The following TOX variants were observed in gnomAD, a reference collection of about 807,000 sequenced individuals.
TOX encodes thymocyte selection associated high mobility group box.
TOX carries 11 observed loss-of-function variants against 53.7 expected under a neutral mutation model. That is an observed-to-expected ratio of 0.20 (90% CI 0.13 to 0.34). The LOEUF (loss-of-function observed/expected upper bound fraction) is 0.34, where lower values mean the gene tolerates loss of function less well. Ranked by LOEUF, TOX falls within the 10% of genes least tolerant of loss-of-function variation. TOX has a pLI of 1.00. For missense variants in TOX, 570 were observed against 664.6 expected (o/e 0.86, Z 1.56); for synonymous variants, 225 against 245.3 (o/e 0.92, Z 0.77).
intron 1 of TOX, among the ~76,000 whole-genome samples, chr8:58,980,990 C>T (rs897151353): frequency 6.6e-6 from 1 of 152,114 alleles, no homozygotes; most frequent in African/African-American, 2.4e-5. Flanking sequence ...TCTAGGTCAC[C>T]TCCAACTTTA....
chr8:59,081,902 CA>C (rs1428296373), intron 1 of TOX, among the ~76,000 whole-genome samples: 1 of 152,122 alleles, frequency 6.6e-6, no homozygotes, highest in Non-Finnish European at 1.5e-5. Context: ...ATACCATTAC[CA>C]AAATTGTGAA....
intron 1 of TOX, among the ~76,000 whole-genome samples, chr8:59,083,075 C>T (rs1804438866): frequency 6.6e-6 from 1 of 152,082 alleles, no homozygotes; most frequent in African/African-American, 2.4e-5. Flanking sequence ...TACAGGCTCT[C>T]CTTTGTACCA....
Position 58,851,787 on chromosome 8 carries a change from G to C in TOX, c.430C>G (p.Pro144Ala), listed in dbSNP as rs149944378. 13 of 1,574,558 alleles carry C rather than the reference G, an allele frequency of 8.3e-6. No homozygotes were observed. The highest frequency in any genetic ancestry group is 2.2e-4 in the Middle Eastern group (1 of 4,504). Residue 144 changes from proline (P) to alanine (A), a missense_variant, in exon 4 of 9, where the codon CCA becomes GCA. Transcript: ENST00000361421. This position sits in a 1 kb window ranked among gnomAD's most constrained non-coding sequence, Gnocchi z 4.4. ...TGGGAACTGTACTGAGTTCCTTCTG[G>C]GTTTCGTATATCTGGCATCTACAAT... is the stretch of plus-strand genomic sequence containing the variant. ...SISVMPDIRNPEGTQYSSHPQ... is the reference protein window; with the variant it reads ...SISVMPDIRNAEGTQYSSHPQ...
chr8:58,949,699 T>G (rs1248570514), intron 2 of TOX, among the ~76,000 whole-genome samples: 1 of 152,102 alleles, frequency 6.6e-6, no homozygotes, highest in Non-Finnish European at 1.5e-5. Flanking sequence ...TAAGTTTTAA[T>G]AAATTTTTAT....
At chr8:58,834,884 A>G (rs1810521511) in intron 5 of TOX, among the ~76,000 whole-genome samples, 1 of 152,188 alleles carries the variant, frequency 6.6e-6, no homozygotes, top group Non-Finnish European at 1.5e-5. Flanking sequence ...TTAGGTTCAC[A>G]TGATAGGTTA....
intron 3 of TOX, among the ~76,000 whole-genome samples, chr8:58,861,757 C>G (rs1811014102): frequency 6.6e-6 from 1 of 152,148 alleles, no homozygotes; most frequent in Non-Finnish European, 1.5e-5. Flanking sequence ...TTCTTCACAC[C>G]ATATTTAAAC....
chr8:59,064,874 A>C (rs394226), intron 1 of TOX, among the ~76,000 whole-genome samples: 15,824 of 152,244 alleles, frequency 0.1, 1,716 homozygotes, highest in East Asian at 0.51. Context: ...TTTAAAAATG[A>C]AAGAACCATT....
At position 58,980,670 on chromosome 8, in the gene TOX, A is replaced by T. The variant is rs563273939; in HGVS notation, c.103-20662T>A. Reference sequence around the variant, plus strand: ...GAAGGGGAAAGAAAAAAACCAAGGCAATGTGGTCCCTGCCCTCTAAGGTCT... The same window carrying T: ...GAAGGGGAAAGAAAAAAACCAAGGCTATGTGGTCCCTGCCCTCTAAGGTCT... On this transcript the variant is annotated intron_variant, in intron 1 of 8. Transcript: ENST00000361421. 2.0e-5 allele frequency among the ~76,000 whole-genome samples: 3 copies of T among 152,348 alleles called. No individual in the cohort carries two copies. The East Asian group carries it at 5.8e-4, about 29-fold the overall frequency.
chr8:59,076,213 A>T (rs1196692485), intron 1 of TOX, among the ~76,000 whole-genome samples: 2 of 152,230 alleles, frequency 1.3e-5, no homozygotes, highest in Admixed American at 6.5e-5. Flanking sequence ...TGAGACGGTA[A>T]GATAGGGTTG....
At chr8:59,109,644 A>T (rs1444738775) in intron 1 of TOX, among the ~76,000 whole-genome samples, 1 of 152,166 alleles carries the variant, frequency 6.6e-6, no homozygotes, top group Non-Finnish European at 1.5e-5. Flanking sequence ...TTAGCACATT[A>T]TGTGAACTTT....
intron 1 of TOX, among the ~76,000 whole-genome samples, chr8:59,097,976 T>TA (rs145313547): frequency 0.011 from 1,693 of 152,246 alleles, 33 homozygotes; most frequent in African/African-American, 0.038. Context: ...ATAAATTACT[T>TA]ACGGCGCTAT....
At chr8:58,886,151 G>T (rs1395440720) in intron 3 of TOX, among the ~76,000 whole-genome samples, 2 of 152,030 alleles carry the variant, frequency 1.3e-5, no homozygotes, top group African/African-American at 4.8e-5. Flanking sequence ...TTTTTACCTG[G>T]CCATGTTTCT....
intron 1 of TOX, among the ~76,000 whole-genome samples, chr8:59,021,499 T>TATATATATACAC (rs1554539851): frequency 0.02 from 2,186 of 107,726 alleles, 134 homozygotes; most frequent in Non-Finnish European, 0.033. Flanking sequence ...TATATATATA[T>TATATATATACAC]GCACATATAT....
intron 1 of TOX, among the ~76,000 whole-genome samples, chr8:59,027,044 CCT>C (rs1410417976): frequency 6.6e-6 from 1 of 152,128 alleles, no homozygotes; most frequent in East Asian, 1.9e-4. Flanking sequence ...TGGCTAGTTC[CCT>C]GTTTGCACCT....
intron 3 of TOX, among the ~76,000 whole-genome samples, chr8:58,889,994 G>A (rs1187065145): frequency 1.3e-5 from 2 of 152,114 alleles, no homozygotes; most frequent in South Asian, 2.1e-4. Flanking sequence ...ATTCATAAAG[G>A]TTGGGTGTAA....
chr8:58,847,994 A>G (rs1810744070), intron 4 of TOX, among the ~76,000 whole-genome samples: 1 of 152,150 alleles, frequency 6.6e-6, no homozygotes, highest in African/African-American at 2.4e-5. Context: ...TGAAAGAAAT[A>G]TATATGTGAA....
intron 1 of TOX, among the ~76,000 whole-genome samples, chr8:59,001,273 C>T (rs378104): frequency 0.94 from 143,250 of 152,312 alleles, 67,407 homozygotes; most frequent in East Asian, 1. Context: ...GAGGTGACAA[C>T]AGCCACCTCA....
intron 1 of TOX, among the ~76,000 whole-genome samples, chr8:59,021,320 G>C (rs1251612166): frequency 6.6e-6 from 1 of 150,454 alleles, no homozygotes; most frequent in African/African-American, 2.4e-5. Context: ...GAAGCAGGAG[G>C]GGGAGGTTGG....
intron 3 of TOX, among the ~76,000 whole-genome samples, chr8:58,932,909 G>A (rs1812281205): frequency 6.6e-6 from 1 of 152,058 alleles, no homozygotes; most frequent in Non-Finnish European, 1.5e-5. Flanking sequence ...ATATACATTA[G>A]GCTTGCTTTT....
Sources: gnomAD v4.1 joint callset for allele counts (sites outside exome capture counted in the v4.1 genomes callset) on GRCh38, gnomAD v4.1.1 for gene constraint, Gnocchi (gnomAD v3.1) non-coding constraint, MANE v1.5 for transcripts, NCBI Gene and HGNC (gene_info 2026-07-23, HGNC 2026-07-21) for gene names.